The following IBTK variants were observed in gnomAD, a reference collection of about 807,000 sequenced individuals.
IBTK encodes the protein BTK-binding protein.
Under a neutral mutation model 154.9 loss-of-function variants are expected in IBTK, and 83 were observed. The observed-to-expected ratio is 0.54, with a 90% CI of 0.45 to 0.64. The LOEUF (loss-of-function observed/expected upper bound fraction) is 0.64. Ranked by LOEUF, IBTK falls within the 30% of genes least tolerant of loss-of-function variation. The probability of loss-of-function intolerance (pLI) is 0.00; values close to 1 mark genes in which losing one functional copy is unlikely to be tolerated. For synonymous variants in IBTK, 515 were observed against 536.1 expected (o/e 0.96, Z 0.54); for missense variants, 1,332 against 1,584.6 (o/e 0.84, Z 2.71).
chr6:82,223,756 C>G lies in IBTK; in HGVS notation c.944-136G>C. On this transcript the variant is annotated intron_variant, in intron 7 of 28. Transcript: ENST00000306270. ...GGCAGATCCCTTGAGCCCTGGAGCTCGAGACCAGCCTGTGCAACATGGTGA... is the reference window on the plus strand; with the variant it reads ...GGCAGATCCCTTGAGCCCTGGAGCTGGAGACCAGCCTGTGCAACATGGTGA... The G allele has an allele frequency of 4.5e-6, 3 of 670,594 alleles. No homozygotes were observed. In the South Asian group the frequency reaches 6.1e-5, roughly 14 times the overall value. The allele number at this position is 670,594 out of a possible 1,614,324, so 41.5% of individuals were successfully genotyped here. A position where few individuals can be genotyped will look rare whatever the true frequency, so the allele number is the denominator to read the frequency against.
intron 12 of IBTK, among the ~76,000 whole-genome samples, chr6:82,213,818 T>C (rs931418425): frequency 1.3e-5 from 2 of 151,454 alleles, no homozygotes; most frequent in Middle Eastern, 3.5e-3. Flanking sequence ...CATATCCATG[T>C]ACCTCCCCAA....
At chr6:82,237,936 T>C (rs974594146) in intron 2 of IBTK, among the ~76,000 whole-genome samples, 2 of 151,984 alleles carry the variant, frequency 1.3e-5, no homozygotes, top group Admixed American at 6.6e-5. Context: ...ACAAAATCCC[T>C]ATACAAAAAA....
chr6:82,231,772 T>A lies in IBTK; in HGVS notation c.489A>T (p.Lys163Asn), dbSNP rs774103499. 6.2e-7 allele frequency: 1 copy of A among 1,610,006 alleles called. No homozygotes were observed. The highest frequency in any genetic ancestry group is 8.5e-7 in the Non-Finnish European group (1 of 1,177,340). ...FTLGHGSQNS[K>N]HHPELVDLFS... Reference sequence around the variant, plus strand: ...ACAGATCCACCAACTCTGGATGATGTTTGCTATTCTGGCTTCCATGACCCA... The same window carrying A: ...ACAGATCCACCAACTCTGGATGATGATTGCTATTCTGGCTTCCATGACCCA... The change falls in exon 4 of 29, where the codon AAA (lysine) becomes AAT (asparagine). Residue 163 changes from lysine (K) to asparagine (N), a missense_variant. Coordinates refer to ENST00000306270, the MANE Select transcript of IBTK (RefSeq NM_015525.4).
At position 82,236,773 on chromosome 6, in the gene IBTK, G is replaced by A. The variant is rs114939414; in HGVS notation, c.322-2518C>T. Among the ~76,000 whole-genome samples the A allele has an allele frequency of 6.6e-3, 1,004 of 152,230 alleles. 9 individuals are homozygous for A. The highest frequency in any genetic ancestry group is 0.023 in the African/African-American group (939 of 41,526). ...AAGTGCTACAGCTGACATCAGAGAC[G>A]GAACTGACATGAAGACACCTATCAC... On this transcript the variant is annotated intron_variant, in intron 2 of 28. Coordinates refer to ENST00000306270, the MANE Select transcript of IBTK (RefSeq NM_015525.4).
At position 82,170,321 on chromosome 6, in the gene IBTK, T is replaced by C. The variant is rs1195562057; in HGVS notation, c.*1104A>G. ...GCAGAGTTAAACCTGACATATTGAG[T>C]CAGTTTCCGTCATTTTACATCAACT... On this transcript the variant is annotated 3_prime_UTR_variant, in exon 29 of 29. Transcript: ENST00000306270. The C allele has an allele frequency of 6.6e-6, 1 of 152,608 alleles. No homozygotes were observed. Among genetic ancestry groups the C allele is most frequent in the African/African-American group, 2.4e-5 (1 of 41,454 alleles). 9.5% of individuals were successfully genotyped at this position (152,608 alleles called of 1,614,324 possible).
intron 1 of IBTK, among the ~76,000 whole-genome samples, chr6:82,246,103 A>G (rs1771133542): frequency 6.6e-6 from 1 of 152,206 alleles, no homozygotes; most frequent in African/African-American, 2.4e-5. Context: ...ATACCGACAG[A>G]AAAGTGCTCT....
intron 16 of IBTK, among the ~76,000 whole-genome samples, chr6:82,208,339 T>C (rs1769491593): frequency 1.3e-5 from 2 of 152,044 alleles, no homozygotes; most frequent in Admixed American, 1.3e-4. Context: ...AAGACCTACA[T>C]GTGAGAGACA....
chr6:82,183,311 G>GTT (rs1768384354), intron 25 of IBTK, among the ~76,000 whole-genome samples: 1 of 152,096 alleles, frequency 6.6e-6, no homozygotes, highest in Non-Finnish European at 1.5e-5. Flanking sequence ...TCAGGAGGCT[G>GTT]AGGCATGAGA....
chr6:82,236,310 A>C (rs1480304024), intron 2 of IBTK, among the ~76,000 whole-genome samples: 1 of 152,208 alleles, frequency 6.6e-6, no homozygotes, highest in Non-Finnish European at 1.5e-5. Context: ...GGCACATATC[A>C]GGCACTCAAA....
rs528487271 is a variant in IBTK, at chr6:82,181,978, A to T, written c.3626T>A (p.Leu1209Gln). ...VSSKSFRDFLLEEKKSVTSHS... is the reference protein window; with the variant it reads ...VSSKSFRDFLQEEKKSVTSHS... Reference sequence around the variant, plus strand: ...GCTAGTAACAGACTTTTTTTCTTCTAGTAAGAAATCCCGGAATGACTTGGA... The same window carrying T: ...GCTAGTAACAGACTTTTTTTCTTCTTGTAAGAAATCCCGGAATGACTTGGA... The change falls in exon 26 of 29, where the codon CTA (leucine) becomes CAA (glutamine). Residue 1209 changes from leucine (L) to glutamine (Q), a missense_variant. Physicochemically the swap from Leu to Gln is moderately radical, Grantham distance 113 (BLOSUM62 -2). Coordinates refer to ENST00000306270, the MANE Select transcript of IBTK (RefSeq NM_015525.4). 6.0e-5 allele frequency: 97 copies of T among 1,605,324 alleles called. No individual in the cohort carries two copies. The African/African-American group carries it at 1.1e-3, about 18-fold the overall frequency.
At chr6:82,181,809 T>G in intron 26 of IBTK, 70 bp downstream of exon 26, 1 of 1,121,434 alleles carries the variant, frequency 8.9e-7, no homozygotes, top group South Asian at 1.7e-5. Flanking sequence ...TAAGGATTAT[T>G]TCAGAACATA....
At chr6:82,181,841 A>G (rs1214282422) in intron 26 of IBTK, 38 bp downstream of exon 26, 5 of 1,391,760 alleles carry the variant, frequency 3.6e-6, no homozygotes, top group Non-Finnish European at 4.9e-6. Context: ...GAATATTTTA[A>G]GGTAGAAAAT....
chr6:82,225,806 G>T (rs1770276010), intron 5 of IBTK, among the ~76,000 whole-genome samples, 159 bp from the exon 6 acceptor site: 2 of 152,142 alleles, frequency 1.3e-5, no homozygotes, highest in Admixed American at 1.3e-4. Context: ...AAGGGTAGAT[G>T]AGTTTAAAAG....
At chr6:82,195,612 T>C (rs1768955104) in intron 22 of IBTK, among the ~76,000 whole-genome samples, 1 of 151,908 alleles carries the variant, frequency 6.6e-6, no homozygotes, top group South Asian at 2.1e-4. Flanking sequence ...CCTTGAGGCC[T>C]AAAAGACTCT....
chr6:82,204,602 T>G (rs746603121), intron 17 of IBTK, among the ~76,000 whole-genome samples: 9 of 152,180 alleles, frequency 5.9e-5, no homozygotes, highest in Non-Finnish European at 1.0e-4. Flanking sequence ...TGACACCATC[T>G]TTATTCTTCA....
intron 26 of IBTK, among the ~76,000 whole-genome samples, chr6:82,177,261 G>A (rs1768156315): frequency 6.6e-6 from 1 of 152,072 alleles, no homozygotes; most frequent in Non-Finnish European, 1.5e-5. Flanking sequence ...TCAGGCTGGA[G>A]TGCGGTGACG....
At chr6:82,173,317 CT>C in intron 27 of IBTK, 49 bp downstream of exon 27, 1 of 1,366,842 alleles carries the variant, frequency 7.3e-7, no homozygotes, top group Non-Finnish European at 1.0e-6. Flanking sequence ...GTTTTCAATG[CT>C]AAGCAGCAAC....
intron 4 of IBTK, among the ~76,000 whole-genome samples, chr6:82,230,144 T>G (rs1770452978): frequency 6.6e-6 from 1 of 152,108 alleles, no homozygotes; most frequent in South Asian, 2.1e-4. Flanking sequence ...GTCTAAGAAT[T>G]CAATCTCAGG....
At chr6:82,201,556 G>C in intron 18 of IBTK, 74 bp from the exon 19 acceptor site, 1 of 955,028 alleles carries the variant, frequency 1.0e-6, no homozygotes, top group Non-Finnish European at 1.6e-6. Flanking sequence ...TACATACGTA[G>C]ATATTTCATA....
Sources: allele counts gnomAD v4.1 joint callset (sites outside exome capture counted in the v4.1 genomes callset), GRCh38; gene constraint gnomAD v4.1.1; transcripts MANE v1.5; gene names NCBI Gene and HGNC (gene_info 2026-07-23, HGNC 2026-07-21).